The following ABCC5 variants were observed in gnomAD, a reference collection of about 807,000 sequenced individuals.
ABCC5 encodes the protein ATP-binding cassette sub-family C member 5.
Under a neutral mutation model 160.9 loss-of-function variants are expected in ABCC5, and 61 were observed. The ratio of observed to expected loss-of-function variants is 0.38; its 90% CI spans 0.31 to 0.47. The LOEUF (loss-of-function observed/expected upper bound fraction) is 0.47. ABCC5 is among the 20% of genes least tolerant of loss of function. The pLI is 0.99. For missense variants in ABCC5, 1,308 were observed against 1,813.3 expected, an observed-to-expected ratio of 0.72 and a Z score of 5.06; for synonymous variants, 666 against 700.6, an observed-to-expected ratio of 0.95 and a Z score of 0.78.
chr3:183,982,874 A>G lies in ABCC5; in HGVS notation c.725T>C (p.Leu242Ser). The part of the protein sequence containing the change: ...RSWSLALTWA[L>S]NYRTGVRLRG... ...CAAGCGGACACCGGTTCGGTAATTC[A>G]ATGCCCAAGTCAGTGCAAGCGACCA... The change falls in exon 6 of 30, where the codon TTG (leucine) becomes TCG (serine). Residue 242 changes from leucine to serine, a missense_variant. By Grantham distance (145) the Leu-to-Ser change is moderately radical. Around this residue, in one of 3 missense-constraint regions of ABCC5, gnomAD observed 1,142 missense variants for 1,527.1 expected, o/e 0.75. Transcript: ENST00000334444. The surrounding 1 kb of genome is among the most constrained non-coding windows in gnomAD (Gnocchi z 5.2). 6.2e-7 allele frequency: 1 copy of G among 1,614,204 alleles called. No individual in the cohort carries two copies. Among genetic ancestry groups the G allele is most frequent in the Non-Finnish European group, 8.5e-7 (1 of 1,180,040 alleles).
intron 5 of ABCC5, chr3:183,985,039 C>T (rs938682496): frequency 1.1e-5 from 8 of 728,818 alleles, no homozygotes; most frequent in African/African-American, 5.4e-5. Flanking sequence ...TTACACTATG[C>T]GAAACTTTCA....
At chr3:183,950,245 A>T (rs570925106) in intron 20 of ABCC5, 120 bp from the exon 21 acceptor site, 1 of 1,239,720 alleles carries the variant, frequency 8.1e-7, no homozygotes, top group African/African-American at 1.5e-5. Context: ...TTGTCTTTAA[A>T]CAGTCTGATC....
At chr3:183,941,866 T>C (rs1158328810) in intron 25 of ABCC5, among the ~76,000 whole-genome samples, 3 of 151,376 alleles carry the variant, frequency 2.0e-5, no homozygotes, top group African/African-American at 7.3e-5. Flanking sequence ...CCCAGCTACG[T>C]GAGAGGCTGA....
At chr3:183,996,531 A>T (rs1720299370) in intron 2 of ABCC5, among the ~76,000 whole-genome samples, 1 of 152,204 alleles carries the variant, frequency 6.6e-6, no homozygotes, top group Non-Finnish European at 1.5e-5. Flanking sequence ...GGAAAACATC[A>T]AAATCAAAGG....
chr3:183,930,801 G>A (rs1385586205), intron 26 of ABCC5, among the ~76,000 whole-genome samples: 1 of 152,184 alleles, frequency 6.6e-6, no homozygotes, highest in Non-Finnish European at 1.5e-5. Context: ...CCCCGGAACT[G>A]TGAGATAGTA....
chr3:183,945,880 G>T lies in ABCC5; in HGVS notation c.3474C>A (p.Thr1158=), dbSNP rs1714794742. Residue 1158 remains threonine (T), a synonymous_variant, in exon 24 of 30, where the codon ACC becomes ACA. Transcript: ENST00000334444. The stretch of plus-strand genomic sequence containing the variant: ...TGTAGTGATTGATCCTCTCCACCGA[G>T]GTGAATCGAGCTTCTGTCTCAGATG... ...RLASETEARF[T]SVERINHYIK... is the part of the protein sequence containing the mutation. 4 of 1,613,984 alleles carry T rather than the reference G, an allele frequency of 2.5e-6. No individual in the cohort carries two copies. Among genetic ancestry groups the T allele is most frequent in the African/African-American group, 2.7e-5 (2 of 74,912 alleles).
rs1223115561 is a variant in ABCC5, at chr3:183,965,218, G to A, written c.1998C>T (p.Asp666=). Residue 666 remains aspartate (D), a synonymous_variant, in exon 14 of 30, where the codon GAC becomes GAT. Coordinates refer to ENST00000334444, the MANE Select transcript of ABCC5 (RefSeq NM_005688.4). Reference sequence around the variant, plus strand: ...GGTCGCTGCTGGGAAGAATGGCCAGGTCAGGCCTCAGGCAGCAGCTGTTCA... The same window carrying A: ...GGTCGCTGCTGGGAAGAATGGCCAGATCAGGCCTCAGGCAGCAGCTGTTCA... ...SVLNSCCLRP[D]LAILPSSDLT... 2 of 1,614,220 alleles carry A rather than the reference G, an allele frequency of 1.2e-6. No individual in the cohort carries two copies. The highest frequency in any genetic ancestry group is 1.7e-6 in the Non-Finnish European group (2 of 1,180,034).
At chr3:183,994,054 C>T (rs1471068380) in intron 2 of ABCC5, among the ~76,000 whole-genome samples, 1 of 150,566 alleles carries the variant, frequency 6.6e-6, no homozygotes, top group Non-Finnish European at 1.5e-5. Flanking sequence ...ATCTCCGCTT[C>T]CCGGGTTCCA....
chr3:183,970,119 G>A (rs1422287008), intron 11 of ABCC5, among the ~76,000 whole-genome samples: 1 of 152,072 alleles, frequency 6.6e-6, no homozygotes, highest in Non-Finnish European at 1.5e-5. Context: ...TCCTCCAAAG[G>A]CTCCTCTTCC....
chr3:183,941,707 G>A (rs1241872359), intron 25 of ABCC5, among the ~76,000 whole-genome samples: 1 of 152,032 alleles, frequency 6.6e-6, no homozygotes, highest in Non-Finnish European at 1.5e-5. Flanking sequence ...AAAAGGGGCC[G>A]GGTGCGATGG....
chr3:183,977,470 G>T, intron 10 of ABCC5, 47 bp downstream of exon 10: 3 of 1,408,636 alleles, frequency 2.1e-6, no homozygotes, highest in Non-Finnish European at 2.0e-6. Flanking sequence ...GCAGTTAGTT[G>T]TGTGGGGAGG....
At position 183,985,337 on chromosome 3, in the gene ABCC5, ACT is replaced by A. The variant is rs759145140; in HGVS notation, c.592-2332_592-2331del. On this transcript the variant is annotated intron_variant, in intron 5 of 29. Transcript: ENST00000334444. Reference sequence around the variant, plus strand: ...TTGGCGAGAGATTCTGCCCAGCTTGACTCTCTCATTCTGACCGCAGAATACAG... The same window carrying A: ...TTGGCGAGAGATTCTGCCCAGCTTGACTCTCATTCTGACCGCAGAATACAG... The A allele has an allele frequency of 1.5e-5, 24 of 1,613,798 alleles. No individual in the cohort carries two copies. In the Admixed American group the frequency reaches 3.8e-4, roughly 26 times the overall value.
At chr3:183,981,457 T>G (rs1718735272) in intron 8 of ABCC5, among the ~76,000 whole-genome samples, 1 of 152,312 alleles carries the variant, frequency 6.6e-6, no homozygotes, top group South Asian at 2.1e-4. Flanking sequence ...CACAGGGGGC[T>G]TCGAAACTGG....
intron 2 of ABCC5, among the ~76,000 whole-genome samples, chr3:183,993,483 CAAA>C (rs57885159): frequency 4.7e-5 from 5 of 105,504 alleles, no homozygotes; most frequent in Non-Finnish European, 4.0e-5. Context: ...GACCCTGTCT[CAAA>C]AAAAAAAAAA....
Position 183,921,902 on chromosome 3 carries a change from G to A in ABCC5, c.4213-501C>T, listed in dbSNP as rs913823779. Among the ~76,000 whole-genome samples the A allele has an allele frequency of 6.6e-6, 1 of 151,604 alleles. No homozygotes were observed. The highest frequency in any genetic ancestry group is 6.6e-5 in the Admixed American group (1 of 15,214). On this transcript the variant is annotated intron_variant, in intron 29 of 29. Transcript: ENST00000334444. This position sits in a 1 kb window ranked among gnomAD's most constrained non-coding sequence, Gnocchi z 4.1. ...AAAATTAGCTGGGCATGGTTGGCGG[G>A]TGCCTACAATCCCAGTGACTTGGGA... is the stretch of plus-strand genomic sequence containing the variant.
In ABCC5 at chr3:183,962,368, G is replaced by A. The variant is rs534564633; in HGVS notation, c.2236-714C>T. 4.0e-3 allele frequency among the ~76,000 whole-genome samples: 547 copies of A among 138,170 alleles called. 6 individuals are homozygous for A. Among genetic ancestry groups the A allele is most frequent in the African/African-American group, 0.013 (525 of 40,058 alleles). The allele number at this position is 138,170 out of a possible 152,430, so 90.6% of individuals were successfully genotyped here. The stretch of plus-strand genomic sequence containing the variant: ...TAAGTTGAACCGTAAGCCAGCGACT[G>A]TCTCTACTGGTATCTAGTGGCTAGA... On this transcript the variant is annotated intron_variant, in intron 15 of 29. Transcript: ENST00000334444.
intron 2 of ABCC5, chr3:184,011,500 C>CG (rs1721740854): frequency 6.6e-6 from 1 of 152,094 alleles, no homozygotes; most frequent in African/African-American, 2.4e-5. Flanking sequence ...CAGTTTCTTA[C>CG]AAACTAAATA....
At position 183,927,447 on chromosome 3, in the gene ABCC5, G is replaced by A. The variant is rs771625846; in HGVS notation, c.3934-4C>T. On this transcript the variant is annotated splice_region_variant and splice_polypyrimidine_tract_variant and intron_variant, in intron 27 of 29. Coordinates refer to ENST00000334444, the MANE Select transcript of ABCC5 (RefSeq NM_005688.4). ...GTTTCAGAGGTAGCTGAGCAATCTA[G>A]GGAGAAAGAAACTAGAGATCAGAGG... 24 of 1,610,054 alleles carry A rather than the reference G, an allele frequency of 1.5e-5. No homozygotes were observed. In the South Asian group the frequency reaches 2.4e-4, roughly 16 times the overall value.
intron 16 of ABCC5, among the ~76,000 whole-genome samples, chr3:183,960,702 C>A (rs898947214): frequency 2.6e-5 from 4 of 152,164 alleles, no homozygotes; most frequent in Non-Finnish European, 5.9e-5. Context: ...TATAACAGGG[C>A]ACACAGGGAC....
Sources: allele counts gnomAD v4.1 joint callset (sites outside exome capture counted in the v4.1 genomes callset), GRCh38; gene constraint gnomAD v4.1.1; regional missense constraint gnomAD v4.1.1; non-coding constraint Gnocchi (gnomAD v3.1); transcripts MANE v1.5; gene names NCBI Gene and HGNC (gene_info 2026-07-23, HGNC 2026-07-21).